CRLS1: variants seen among roughly 807,000 people sequenced by gnomAD.
The protein encoded by CRLS1 is cardiolipin synthase (CMP-forming).
A neutral mutation model predicts 37.0 loss-of-function variants in CRLS1; 24 were observed. The observed-to-expected ratio is 0.65, with a 90% confidence interval of 0.47 to 0.91. The LOEUF is 0.91. Ranked by LOEUF, CRLS1 falls within the 40% of genes least tolerant of loss-of-function variation. CRLS1 has a pLI of 0.00. For missense variants in CRLS1, 373 were observed against 395.8 expected (o/e 0.94, Z 0.49); for synonymous variants, 135 against 159.7 (o/e 0.85, Z 1.17).
rs1161298827 is a variant in CRLS1, at chr20:6,011,572, C to CCTTTTTTT, written c.444+1660_444+1661insCTTTTTTT. On this transcript the variant is annotated intron_variant, in intron 2 of 6. Transcript: ENST00000378863. Reference sequence around the variant, plus strand: ...TCTTTCTCCTTTTCTTTTGTCCCTGCTTTTTTTTTTTTTTTTTTTTTTTTT... The same window carrying CCTTTTTTT: ...TCTTTCTCCTTTTCTTTTGTCCCTGCCTTTTTTTTTTTTTTTTTTTTTTTTTTTTTTTT... Among the ~76,000 whole-genome samples the CCTTTTTTT allele has an allele frequency of 1.2e-3, 33 of 27,856 alleles. 4 individuals are homozygous for CCTTTTTTT. The highest frequency in any genetic ancestry group is 2.9e-3 in the African/African-American group (28 of 9,818). The allele number at this position is 27,856 out of a possible 152,430, so 18.3% of individuals were successfully genotyped here.
Position 6,038,941 on chromosome 20 carries a change from G to GTTATAAAACACATCAATTCTGCCAGT in CRLS1, c.*1795_*1820dup, listed in dbSNP as rs1980766938. 6.6e-6 allele frequency: 1 copy of GTTATAAAACACATCAATTCTGCCAGT among 152,144 alleles called. No individual in the cohort carries two copies. The highest frequency in any genetic ancestry group is 2.4e-5 in the African/African-American group (1 of 41,422). 9.4% of individuals were successfully genotyped at this position (152,144 alleles called of 1,614,324 possible). On this transcript the variant is annotated 3_prime_UTR_variant, in exon 7 of 7. Coordinates refer to ENST00000378863, the MANE Select transcript of CRLS1 (RefSeq NM_019095.6). ...TCCTCAGGCTTTTGGATACTGAATT[G>GTTATAAAACACATCAATTCTGCCAGT]TTATAAAACACATCAATTCTGCCAG...
At chr20:6,025,126 C>T (rs536638982) in intron 3 of CRLS1, among the ~76,000 whole-genome samples, 59 of 152,258 alleles carry the variant, frequency 3.9e-4, no homozygotes, top group African/African-American at 1.2e-3. Flanking sequence ...GACAAAACAC[C>T]CTTCTATTGG....
At position 6,038,858 on chromosome 20, in the gene CRLS1, A is replaced by G. The variant is rs1047529191; in HGVS notation, c.*1700A>G. ...ATATCTTTTTATTATTAAGGTCTCA[A>G]TCTGGCTCTGGTTAATAAACGTTTC... On this transcript the variant is annotated 3_prime_UTR_variant, in exon 7 of 7. Transcript: ENST00000378863. The G allele has an allele frequency of 6.6e-6, 1 of 152,210 alleles. No individual in the cohort carries two copies. The highest frequency in any genetic ancestry group is 2.4e-5 in the African/African-American group (1 of 41,440). 9.4% of individuals were successfully genotyped at this position (152,210 alleles called of 1,614,324 possible).
chr20:6,016,289 T>C (rs1176979190), intron 3 of CRLS1, among the ~76,000 whole-genome samples: 1 of 152,242 alleles, frequency 6.6e-6, no homozygotes, highest in African/African-American at 2.4e-5. Flanking sequence ...GAAAGAAGTA[T>C]AGTGGCATTT....
intron 3 of CRLS1, among the ~76,000 whole-genome samples, chr20:6,021,361 C>T (rs1979277462): frequency 6.6e-6 from 1 of 152,104 alleles, no homozygotes; most frequent in African/African-American, 2.4e-5. Flanking sequence ...GCCTCTGCAC[C>T]CGGCCTGCTT....
intron 3 of CRLS1, among the ~76,000 whole-genome samples, chr20:6,027,041 T>C (rs184205028): frequency 5.9e-5 from 9 of 152,152 alleles, no homozygotes; most frequent in Admixed American, 5.9e-4. Flanking sequence ...TGAGTGTGAA[T>C]GTATTCCAAT....
chr20:6,039,630 C>A lies in CRLS1; in HGVS notation c.*2472C>A, dbSNP rs1229836261. 6.6e-6 allele frequency: 1 copy of A among 151,916 alleles called. No homozygotes were observed. The highest frequency in any genetic ancestry group is 1.5e-5 in the Non-Finnish European group (1 of 68,022). 9.4% of individuals were successfully genotyped at this position (151,916 alleles called of 1,614,324 possible). A position where few individuals can be genotyped will look rare whatever the true frequency, so the allele number is the denominator to read the frequency against. ...CAAGAAAGATACGTTCACGTTCAAA[C>A]CCCCAGTACTGTACATGTGACCTTA... On this transcript the variant is annotated 3_prime_UTR_variant, in exon 7 of 7. Transcript: ENST00000378863.
At chr20:6,028,892 G>A (rs1284705562) in intron 3 of CRLS1, among the ~76,000 whole-genome samples, 1 of 152,214 alleles carries the variant, frequency 6.6e-6, no homozygotes, top group Non-Finnish European at 1.5e-5. Context: ...TAGGCAAAAT[G>A]AAAACTGTTT....
chr20:6,019,308 G>A (rs1271272347), intron 3 of CRLS1, among the ~76,000 whole-genome samples: 5 of 151,822 alleles, frequency 3.3e-5, no homozygotes, highest in Admixed American at 3.3e-4. Context: ...TGTTTTTCTA[G>A]GAATTTGTCC....
rs963603056 is a variant in CRLS1 at position 6,006,624 on chromosome 20, T to C, written c.306+72T>C. 5.0e-5 allele frequency: 62 copies of C among 1,229,416 alleles called. 1 individual carries two copies. In the East Asian group the frequency reaches 1.7e-3, roughly 33 times the overall value. 76.2% of individuals were successfully genotyped at this position (1,229,416 alleles called of 1,614,324 possible). A position where few individuals can be genotyped will look rare whatever the true frequency, so the allele number is the denominator to read the frequency against. ...CCGCCCCTGCACTCAGGTAACAAGC[T>C]CTGGGTGGTGCAGCTCGGACGCTTC... is the stretch of plus-strand genomic sequence containing the variant. On this transcript the variant is annotated intron_variant, in intron 1 of 6. Coordinates refer to ENST00000378863, the MANE Select transcript of CRLS1 (RefSeq NM_019095.6).
intron 2 of CRLS1, among the ~76,000 whole-genome samples, chr20:6,011,652 G>A (rs1297143879): frequency 2.4e-5 from 3 of 127,342 alleles, no homozygotes; most frequent in Non-Finnish European, 4.8e-5. Context: ...GTGGCGTGAT[G>A]TCGGCTCACT....
intron 3 of CRLS1, among the ~76,000 whole-genome samples, chr20:6,027,798 A>G (rs1483286178): frequency 6.6e-6 from 1 of 152,232 alleles, no homozygotes; most frequent in Non-Finnish European, 1.5e-5. Context: ...TAAAAAATGT[A>G]AAAATCACGC....
chr20:6,029,447 C>T (rs1341645999), intron 3 of CRLS1, among the ~76,000 whole-genome samples: 11 of 150,838 alleles, frequency 7.3e-5, no homozygotes, highest in Admixed American at 7.3e-4. Context: ...TTGCTGCAGC[C>T]TCTGCCTCCT....
At chr20:6,032,670 T>C (rs1980260023) in intron 5 of CRLS1, among the ~76,000 whole-genome samples, 1 of 152,216 alleles carries the variant, frequency 6.6e-6, no homozygotes. Flanking sequence ...CAACTGCTAC[T>C]CTTAGTTGTC....
At chr20:6,009,461 C>T (rs1192336313) in intron 1 of CRLS1, among the ~76,000 whole-genome samples, 1 of 151,170 alleles carries the variant, frequency 6.6e-6, no homozygotes, top group Non-Finnish European at 1.5e-5. Flanking sequence ...AGATGGGATT[C>T]TCTCCATGTT....
Position 6,006,401 on chromosome 20 carries a change from G to A in CRLS1, c.155G>A (p.Arg52His). Residue 52 changes from arginine (R) to histidine (H), a missense_variant, in exon 1 of 7, where the codon CGT becomes CAT. By Grantham distance (29) the Arg-to-His change is conservative. Transcript: ENST00000378863. ...LGCLAERWRL[R>H]PAALGLRLPG... ...TGCCTGGCCGAACGCTGGAGGCTGC[G>A]TCCGGCCGCTCTTGGCTTGCGGCTG... 1.4e-6 allele frequency: 2 copies of A among 1,408,260 alleles called. No homozygotes were observed. The highest frequency in any genetic ancestry group is 1.5e-5 in the South Asian group (1 of 66,750). 87.2% of individuals were successfully genotyped at this position (1,408,260 alleles called of 1,614,324 possible). A position where few individuals can be genotyped will look rare whatever the true frequency, so the allele number is the denominator to read the frequency against.
At chr20:6,036,124 A>AT (rs1980531835) in intron 6 of CRLS1, among the ~76,000 whole-genome samples, 1 of 151,938 alleles carries the variant, frequency 6.6e-6, no homozygotes, top group Non-Finnish European at 1.5e-5. Context: ...TTGTATTATT[A>AT]TTTTTTGTAG....
At chr20:6,021,883 A>C (rs190739296) in intron 3 of CRLS1, among the ~76,000 whole-genome samples, 1 of 152,300 alleles carries the variant, frequency 6.6e-6, no homozygotes, top group East Asian at 1.9e-4. Flanking sequence ...TTATCTTTAT[A>C]AAAATATGAT....
intron 3 of CRLS1, among the ~76,000 whole-genome samples, chr20:6,030,169 A>G (rs1056085198): frequency 6.6e-6 from 1 of 151,288 alleles, no homozygotes; most frequent in African/African-American, 2.4e-5. Flanking sequence ...TTTTTCTTAT[A>G]AAAGATATGT....
Sources: gnomAD v4.1 joint callset for allele counts (sites outside exome capture counted in the v4.1 genomes callset) on GRCh38, gnomAD v4.1.1 for gene constraint, MANE v1.5 for transcripts, NCBI Gene and HGNC (gene_info 2026-07-23, HGNC 2026-07-21) for gene names.